The following MME variants were observed in gnomAD, a reference collection of about 807,000 sequenced individuals.
MME encodes neprilysin.
MME carries 98 observed loss-of-function variants against 113.2 expected under a neutral mutation model. The observed-to-expected ratio is 0.87, with a 90% CI of 0.74 to 1.02. MME has a LOEUF of 1.02. Ranked by LOEUF, MME falls within the 50% of genes least tolerant of loss-of-function variation. The pLI, the probability that MME is intolerant of heterozygous loss-of-function variation, is 0.00. For missense variants in MME, 836 were observed against 896.0 expected, an observed-to-expected ratio of 0.93 and a Z score of 0.86; for synonymous variants, 292 against 300.6, an observed-to-expected ratio of 0.97 and a Z score of 0.30.
At chr3:155,165,986 T>C (rs1398269399) in intron 17 of MME, among the ~76,000 whole-genome samples, 1 of 152,218 alleles carries the variant, frequency 6.6e-6, no homozygotes, top group East Asian at 1.9e-4. Context: ...TTAATGCAGA[T>C]GTCAGAGTAG....
At chr3:155,044,939 T>G (rs1456975726) in intron 1 of MME, among the ~76,000 whole-genome samples, 1 of 152,096 alleles carries the variant, frequency 6.6e-6, no homozygotes, top group African/African-American at 2.4e-5. Context: ...CTGCAATTTT[T>G]TTTTTTTTTG....
chr3:155,102,003 T>A (rs973538317), intron 3 of MME, among the ~76,000 whole-genome samples: 1 of 152,166 alleles, frequency 6.6e-6, no homozygotes, highest in Non-Finnish European at 1.5e-5. Context: ...CCATCACACC[T>A]ATTAGGAGGG....
Position 155,151,376 on chromosome 3 carries a change from A to G in MME, c.1601+2723A>G, listed in dbSNP as rs78664130. ...GATGCATTAAATTTTCAAGACAGCA[A>G]CTAATGTAAATGAATTCAATTAGCC... is the stretch of plus-strand genomic sequence containing the variant. On this transcript the variant is annotated intron_variant, in intron 16 of 22. Coordinates refer to ENST00000360490, the MANE Select transcript of MME (RefSeq NM_007289.4). Among the ~76,000 whole-genome samples, 900 of 151,998 alleles carry G rather than the reference A, an allele frequency of 5.9e-3. 4 individuals carry two copies. Among genetic ancestry groups the G allele is most frequent in the African/African-American group, 0.021 (856 of 41,542 alleles).
chr3:155,029,556 C>T (rs1340041292), intron 1 of MME, among the ~76,000 whole-genome samples: 1 of 149,480 alleles, frequency 6.7e-6, no homozygotes, highest in Admixed American at 6.6e-5. Flanking sequence ...TAATTTAGCT[C>T]AAGCCAAGTC....
intron 14 of MME, 112 bp downstream of exon 14, chr3:155,144,569 G>A: frequency 1.4e-6 from 1 of 706,540 alleles, no homozygotes; most frequent in Non-Finnish European, 2.5e-6. Context: ...AAACTTGTAA[G>A]CTCCTTCAAT....
At chr3:155,151,248 C>T (rs1449191082) in intron 16 of MME, among the ~76,000 whole-genome samples, 1 of 152,176 alleles carries the variant, frequency 6.6e-6, no homozygotes, top group Non-Finnish European at 1.5e-5. Flanking sequence ...AAGATCCTCA[C>T]TCCCAAAGTC....
chr3:155,077,146 C>T (rs1714774762), upstream of MME, among the ~76,000 whole-genome samples: 1 of 152,170 alleles, frequency 6.6e-6, no homozygotes. Flanking sequence ...ATGCCTCTGA[C>T]AGCTCTCTTT....
rs1041459452 is a variant in MME, at chr3:155,148,597, G to T, written c.1545G>T (p.Leu515Phe). Residue 515 changes from leucine (L) to phenylalanine (F), a missense_variant, in exon 16 of 23, where the codon TTG (leucine) becomes TTT (phenylalanine). Physicochemically the swap from Leu to Phe is conservative, Grantham distance 22 (BLOSUM62 0). Coordinates refer to ENST00000360490, the MANE Select transcript of MME (RefSeq NM_007289.4). ...DEYFENIIQN[L>F]KFSQSKQLKK... ...ACTTCGAGAACATAATTCAAAATTT[G>T]AAATTCAGCCAAAGTAAACAACTGA... The T allele has an allele frequency of 2.5e-6, 4 of 1,612,596 alleles. No individual in the cohort carries two copies. In the African/African-American group the frequency reaches 5.3e-5, roughly 22 times the overall value.
intron 17 of MME, among the ~76,000 whole-genome samples, chr3:155,160,697 G>A (rs193005711): frequency 1.2e-3 from 189 of 152,014 alleles, no homozygotes; most frequent in African/African-American, 4.2e-3. Flanking sequence ...ATCTAAAATG[G>A]TTTATCTTAT....
At chr3:155,083,783 G>C in intron 1 of MME, 1 of 252,820 alleles carries the variant, frequency 4.0e-6, no homozygotes, top group Non-Finnish European at 7.8e-6. Flanking sequence ...TTAGTCCAGA[G>C]TTCAAAAGGG....
intron 1 of MME, among the ~76,000 whole-genome samples, chr3:155,029,312 T>G (rs533442097): frequency 6.6e-6 from 1 of 152,238 alleles, no homozygotes; most frequent in East Asian, 1.9e-4. Flanking sequence ...TTCATAAACC[T>G]TTTATAACTT....
At chr3:155,178,887 G>A (rs1293776305) in intron 22 of MME, among the ~76,000 whole-genome samples, 1 of 152,260 alleles carries the variant, frequency 6.6e-6, no homozygotes, top group African/African-American at 2.4e-5. Context: ...CATATGTTCA[G>A]CCGCATTTGG....
intron 1 of MME, among the ~76,000 whole-genome samples, chr3:155,025,199 C>T (rs542445585): frequency 6.6e-6 from 1 of 152,240 alleles, no homozygotes; most frequent in East Asian, 1.9e-4. Context: ...CCAGCCTTTG[C>T]CACTATATGC....
upstream of MME, among the ~76,000 whole-genome samples, chr3:155,074,881 A>C (rs78518648): frequency 6.6e-6 from 1 of 152,202 alleles, no homozygotes; most frequent in Non-Finnish European, 1.5e-5. Context: ...ATAGTTTGGC[A>C]TATAATCAAT....
intron 18 of MME, 46 bp downstream of exon 18, chr3:155,167,067 A>G: frequency 2.5e-6 from 4 of 1,606,804 alleles, no homozygotes; most frequent in African/African-American, 1.3e-5. Context: ...ATATGCTCAT[A>G]AATTTGATTA....
At chr3:155,035,304 C>T (rs1043650051) in intron 1 of MME, among the ~76,000 whole-genome samples, 23 of 147,648 alleles carry the variant, frequency 1.6e-4, no homozygotes, top group African/African-American at 5.7e-4. Flanking sequence ...CTATAAAGCA[C>T]ATTAAATATA....
intron 3 of MME, among the ~76,000 whole-genome samples, chr3:155,103,345 C>T (rs1409941812): frequency 6.6e-6 from 1 of 152,006 alleles, no homozygotes; most frequent in Admixed American, 6.6e-5. Context: ...AATATAGCTG[C>T]CTCAAGGAAA....
At chr3:155,057,057 C>T (rs1291730855) in intron 1 of MME, among the ~76,000 whole-genome samples, 1 of 152,156 alleles carries the variant, frequency 6.6e-6, no homozygotes, top group Non-Finnish European at 1.5e-5. Context: ...ATGTCTAACA[C>T]ACCAAAAGCA....
intron 8 of MME, among the ~76,000 whole-genome samples, chr3:155,128,458 G>A (rs1241332809): frequency 1.3e-5 from 2 of 152,150 alleles, no homozygotes; most frequent in Non-Finnish European, 1.5e-5. Context: ...ATGGTGCGAA[G>A]TGTAGAATAA....
Sources: gnomAD v4.1 joint callset for allele counts (sites outside exome capture counted in the v4.1 genomes callset) on GRCh38, gnomAD v4.1.1 for gene constraint, MANE v1.5 for transcripts, NCBI Gene and HGNC (gene_info 2026-07-23, HGNC 2026-07-21) for gene names.